The following DIS3L2 variants were observed in gnomAD, a reference collection of about 807,000 sequenced individuals.
The protein encoded by DIS3L2 is DIS3-like exonuclease 2.
In DIS3L2, 34 loss-of-function variants were observed where a neutral mutation model predicts 97.5. The observed-to-expected ratio is 0.35, with a 90% CI of 0.27 to 0.46. The LOEUF (loss-of-function observed/expected upper bound fraction) is 0.46. Ranked by LOEUF, DIS3L2 falls within the 20% of genes least tolerant of loss-of-function variation. DIS3L2 has a pLI of 1.00. For missense variants in DIS3L2, 1,038 were observed against 1,146.0 expected (o/e 0.91, Z 1.36); for synonymous variants, 435 against 445.2 (o/e 0.98, Z 0.29).
At chr2:232,262,250 C>T (rs1280841084) in intron 12 of DIS3L2, among the ~76,000 whole-genome samples, 2 of 152,184 alleles carry the variant, frequency 1.3e-5, no homozygotes, top group African/African-American at 2.4e-5. Context: ...GGCCCACATC[C>T]GAATGCCTGC....
In DIS3L2 at chr2:232,333,971, C is replaced by T. The variant is rs768857618; in HGVS notation, c.2142C>T (p.Leu714=). The T allele has an allele frequency of 1.2e-6, 2 of 1,611,884 alleles. No individual in the cohort carries two copies. Among genetic ancestry groups the T allele is most frequent in the East Asian group, 2.2e-5 (1 of 44,864 alleles). ...RRFADVLVHR[L]LAAALGYRER... ...TTGCCGACGTCCTGGTGCACCGCCT[C>T]CTGGCTGCCGCGTTAGGTGAGGGGT... The change falls in exon 17 of 21, where the codon CTC becomes CTT. Residue 714 remains leucine, a synonymous_variant. Coordinates refer to ENST00000325385, the MANE Select transcript of DIS3L2 (RefSeq NM_152383.5).
In DIS3L2 at chr2:232,333,904, A is replaced by T. The variant is rs1295146723; in HGVS notation, c.2075A>T (p.Asn692Ile). ...DPAQFRHYAL[N>I]VPLYTHFTSP... ...GCGCAGTTCCGGCACTACGCGCTCA[A>T]TGTGCCCCTGTACACACACTTCACC... is the stretch of plus-strand genomic sequence containing the variant. The change falls in exon 17 of 21, where the codon AAT becomes ATT. Residue 692 changes from asparagine (N) to isoleucine (I), a missense_variant. Physicochemically the swap from Asn to Ile is moderately radical, Grantham distance 149. Transcript: ENST00000325385. The T allele has an allele frequency of 6.2e-7, 1 of 1,612,886 alleles. No homozygotes were observed. The highest frequency in any genetic ancestry group is 8.5e-7 in the Non-Finnish European group (1 of 1,179,904).
intron 10 of DIS3L2, among the ~76,000 whole-genome samples, chr2:232,232,031 A>T (rs766371524): frequency 7.2e-5 from 11 of 152,118 alleles, no homozygotes; most frequent in Non-Finnish European, 1.3e-4. Context: ...AACCGCGGGG[A>T]GACCCCTGGG....
intron 5 of DIS3L2, among the ~76,000 whole-genome samples, chr2:232,038,185 A>G (rs558638036): frequency 1.3e-5 from 2 of 152,292 alleles, no homozygotes; most frequent in East Asian, 3.9e-4. Context: ...TGAATCTAGC[A>G]TAGTGTTGAC....
chr2:232,190,544 G>T (rs1004102502), intron 9 of DIS3L2, among the ~76,000 whole-genome samples: 1 of 151,866 alleles, frequency 6.6e-6, no homozygotes. Context: ...TTGTGCTTAG[G>T]TTCTCAAAAG....
intron 1 of DIS3L2, among the ~76,000 whole-genome samples, chr2:232,005,190 T>TA (rs1694017529): frequency 6.7e-6 from 1 of 148,948 alleles, no homozygotes; most frequent in African/African-American, 2.5e-5. Flanking sequence ...TTTTTTTTTT[T>TA]TATTTCACTA....
intron 1 of DIS3L2, among the ~76,000 whole-genome samples, chr2:231,986,597 A>C (rs903842390): frequency 3.3e-5 from 5 of 152,214 alleles, no homozygotes; most frequent in African/African-American, 9.6e-5. Flanking sequence ...TTGAAGAAGC[A>C]AAAATGAGAA....
chr2:232,184,007 T>A (rs1238801177), intron 9 of DIS3L2, among the ~76,000 whole-genome samples: 1 of 152,116 alleles, frequency 6.6e-6, no homozygotes, highest in African/African-American at 2.4e-5. Flanking sequence ...GAAAGGGGGA[T>A]GTGGGAATAT....
rs1483532290 is a variant in DIS3L2, at chr2:232,326,410, C to A, written c.1740-3403C>A. 4.6e-5 allele frequency among the ~76,000 whole-genome samples: 7 copies of A among 152,276 alleles called. No homozygotes were observed. The East Asian group carries it at 1.4e-3, about 29-fold the overall frequency. On this transcript the variant is annotated intron_variant, in intron 14 of 20. Transcript: ENST00000325385. ...TGCTGGCAGCTGGGCTTGGCCTGCA[C>A]CTTTCTGTCCCCAAACTCCACTGGG...
rs1694156483 is a variant in DIS3L2 at position 232,276,882 on chromosome 2, C to T, written c.1659+13442C>T. The stretch of plus-strand genomic sequence containing the variant: ...ACTTGGAACAGTGCCTGACACATAG[C>T]AAGCACCCAGCAGGGATTAGCTGTG... On this transcript the variant is annotated intron_variant, in intron 13 of 20. Coordinates refer to ENST00000325385, the MANE Select transcript of DIS3L2 (RefSeq NM_152383.5). The surrounding 1 kb of genome is among the most constrained non-coding windows in gnomAD (Gnocchi z 4.4). 6.6e-6 allele frequency among the ~76,000 whole-genome samples: 1 copy of T among 152,206 alleles called. No homozygotes were observed.
intron 14 of DIS3L2, among the ~76,000 whole-genome samples, chr2:232,310,763 G>C (rs555820067): frequency 5.3e-5 from 8 of 152,226 alleles, no homozygotes; most frequent in South Asian, 2.1e-4. Flanking sequence ...AGCAGGTGTG[G>C]GGCCCTAGAA....
At chr2:232,232,588 A>G (rs1692824577) in intron 10 of DIS3L2, among the ~76,000 whole-genome samples, 1 of 152,134 alleles carries the variant, frequency 6.6e-6, no homozygotes, top group African/African-American at 2.4e-5. Context: ...CATGGGTATC[A>G]CTTTTGGTTT....
chr2:232,020,551 A>G (rs753088782), intron 3 of DIS3L2, among the ~76,000 whole-genome samples: 2 of 152,152 alleles, frequency 1.3e-5, no homozygotes, highest in Non-Finnish European at 2.9e-5. Context: ...GACAGAGAAA[A>G]GCAAGGGTTG....
At chr2:231,962,317 C>G (rs1692583897) in intron 1 of DIS3L2, among the ~76,000 whole-genome samples, 1 of 151,570 alleles carries the variant, frequency 6.6e-6, no homozygotes, top group South Asian at 2.1e-4. Context: ...GATACGCATG[C>G]AGGTTAGTCA....
chr2:232,264,176 A>G (rs892333422), intron 13 of DIS3L2, among the ~76,000 whole-genome samples: 3 of 152,222 alleles, frequency 2.0e-5, no homozygotes, highest in Non-Finnish European at 4.4e-5. Flanking sequence ...TGAGAATCTA[A>G]TGCTGCCACT....
At chr2:231,977,571 TATTGTGGG>T (rs1693133877) in intron 1 of DIS3L2, among the ~76,000 whole-genome samples, 1 of 152,080 alleles carries the variant, frequency 6.6e-6, no homozygotes, top group Non-Finnish European at 1.5e-5. Context: ...CAGATTATAG[TATTGTGGG>T]CAGAGCCCAG....
intron 1 of DIS3L2, among the ~76,000 whole-genome samples, chr2:231,976,807 G>T (rs868842001): frequency 1.7e-4 from 20 of 118,950 alleles, no homozygotes; most frequent in African/African-American, 6.6e-4. Flanking sequence ...TCGCTCTGTT[G>T]CCCAGGCTGG....
intron 12 of DIS3L2, among the ~76,000 whole-genome samples, chr2:232,258,385 C>A (rs926138187): frequency 2.0e-5 from 3 of 152,048 alleles, no homozygotes; most frequent in African/African-American, 7.2e-5. Flanking sequence ...GAGTTAGAGA[C>A]CATCCTGGCC....
chr2:232,205,095 T>G (rs1691993106), intron 9 of DIS3L2, among the ~76,000 whole-genome samples: 1 of 152,104 alleles, frequency 6.6e-6, no homozygotes, highest in Admixed American at 6.5e-5. Context: ...CTAGGCTGCA[T>G]CTTTCTGTCT....
Sources: allele counts gnomAD v4.1 joint callset (sites outside exome capture counted in the v4.1 genomes callset), GRCh38; gene constraint gnomAD v4.1.1; non-coding constraint Gnocchi (gnomAD v3.1); transcripts MANE v1.5; gene names NCBI Gene and HGNC (gene_info 2026-07-23, HGNC 2026-07-21).